IL17B: variants seen among roughly 807,000 people sequenced by gnomAD.
The protein encoded by IL17B is interleukin 17B.
Under a neutral mutation model 14.7 loss-of-function variants are expected in IL17B, and 14 were observed. The ratio of observed to expected loss-of-function variants is 0.95; its 90% CI spans 0.63 to 1.49. IL17B has a LOEUF of 1.49. Ranked by LOEUF, IL17B falls within the 40% of genes most tolerant of loss-of-function variation. The pLI is 0.00. For missense variants in IL17B, 233 were observed against 252.8 expected (o/e 0.92, Z 0.53); for synonymous variants, 105 against 94.8 (o/e 1.11, Z -0.62).
Position 149,374,770 on chromosome 5 carries a change from G to T in IL17B, c.312-170C>A. 1.7e-6 allele frequency: 1 copy of T among 579,504 alleles called. No homozygotes were observed. Among genetic ancestry groups the T allele is most frequent in the Non-Finnish European group, 3.0e-6 (1 of 329,534 alleles). The allele number at this position is 579,504 out of a possible 1,614,324, so 35.9% of individuals were successfully genotyped here. ...ACTCCATGTTCCACGTGAGGAAACT[G>T]AAGATCATGGAAGGCAAGTCGAGAG... On this transcript the variant is annotated intron_variant, in intron 2 of 2. Transcript: ENST00000261796. The surrounding 1 kb of genome is among the most constrained non-coding windows in gnomAD (Gnocchi z 5.0).
intron 1 of IL17B, among the ~76,000 whole-genome samples, chr5:149,401,173 A>G (rs1268558107): frequency 2.0e-5 from 3 of 152,200 alleles, no homozygotes; most frequent in Admixed American, 6.5e-5. Flanking sequence ...GTCATTCCCA[A>G]GGGTCCTTTC....
chr5:149,379,742 G>A (rs368569452), upstream of IL17B, among the ~76,000 whole-genome samples: 8 of 152,270 alleles, frequency 5.3e-5, 1 homozygote, highest in African/African-American at 9.6e-5. Context: ...AGCCTCTGCC[G>A]GCCTCAGGTG....
At position 149,376,797 on chromosome 5, in the gene IL17B, A is replaced by T; in HGVS notation, c.250T>A (p.Cys84Ser). The T allele has an allele frequency of 6.2e-7, 1 of 1,613,838 alleles. No homozygotes were observed. Among genetic ancestry groups the T allele is most frequent in the Non-Finnish European group, 8.5e-7 (1 of 1,179,934 alleles). The change falls in exon 2 of 3, where the codon TGT becomes AGT. Residue 84 changes from cysteine to serine, a missense_variant. Cys to Ser is a moderately radical substitution (Grantham distance 112). Transcript: ENST00000261796. The stretch of plus-strand genomic sequence containing the variant: ...ATCCACAGCTGCAAGTTGACCTCAC[A>T]CTTTCTCTGGGCCAGCTCTGAGCTG... ...RNSSELAQRK[C>S]EVNLQLWMSN...
chr5:149,393,221 T>C (rs1185113161), intron 1 of IL17B, among the ~76,000 whole-genome samples: 1 of 152,230 alleles, frequency 6.6e-6, no homozygotes, highest in South Asian at 2.1e-4. Flanking sequence ...CTTTGACTTA[T>C]GCTGTTCCCT....
At chr5:149,377,682 G>T (rs946638175) in intron 1 of IL17B, among the ~76,000 whole-genome samples, 5 of 152,194 alleles carry the variant, frequency 3.3e-5, no homozygotes, top group Non-Finnish European at 5.9e-5. Context: ...GGCTGGAGAA[G>T]AGTGGGGCCT....
chr5:149,381,016 CG>C (rs1386546598), upstream of IL17B, among the ~76,000 whole-genome samples: 5 of 152,054 alleles, frequency 3.3e-5, no homozygotes, highest in African/African-American at 9.7e-5. Flanking sequence ...CCCCACTGGC[CG>C]GGCGGCCTGG....
At chr5:149,392,353 G>A (rs1758986982) in intron 1 of IL17B, among the ~76,000 whole-genome samples, 1 of 152,222 alleles carries the variant, frequency 6.6e-6, no homozygotes, top group African/African-American at 2.4e-5. Flanking sequence ...TGGGTTGCAT[G>A]ACTTATGGCA....
At chr5:149,395,363 A>G (rs1037136483) in intron 1 of IL17B, among the ~76,000 whole-genome samples, 1 of 152,150 alleles carries the variant, frequency 6.6e-6, no homozygotes, top group African/African-American at 2.4e-5. Flanking sequence ...TGGTAGAACT[A>G]TTTATATTCC....
intron 1 of IL17B, among the ~76,000 whole-genome samples, chr5:149,393,052 C>T (rs191286977): frequency 5.3e-4 from 81 of 151,990 alleles, no homozygotes; most frequent in Non-Finnish European, 1.0e-3. Context: ...TGTGTGTGCG[C>T]ATGTGTGTCT....
At chr5:149,376,612 C>G in intron 2 of IL17B, 124 bp downstream of exon 2, 7 of 1,262,482 alleles carry the variant, frequency 5.5e-6, no homozygotes, top group Non-Finnish European at 7.6e-6. Context: ...AAGTAAGAGG[C>G]AGAGCTAGGG....
chr5:149,384,204 G>T (rs1251946406), upstream of IL17B, among the ~76,000 whole-genome samples: 1 of 152,248 alleles, frequency 6.6e-6, no homozygotes, highest in East Asian at 1.9e-4. Context: ...CCCTCCTCCT[G>T]TGGGGAAAGC....
intron 1 of IL17B, among the ~76,000 whole-genome samples, chr5:149,398,953 A>C (rs1235555782): frequency 1.3e-5 from 2 of 152,216 alleles, no homozygotes; most frequent in Non-Finnish European, 2.9e-5. Context: ...AGGCCTCACA[A>C]TCATGGCAGA....
intron 1 of IL17B, among the ~76,000 whole-genome samples, chr5:149,402,896 G>T (rs926113946): frequency 6.7e-6 from 1 of 150,298 alleles, no homozygotes; most frequent in Non-Finnish European, 1.5e-5. Context: ...CCAGCTACTT[G>T]GGAGGCTGAG....
At chr5:149,379,377 A>G, upstream of IL17B, 5 of 852,756 alleles carry the variant, frequency 5.9e-6, no homozygotes, top group Non-Finnish European at 9.2e-6. Context: ...ATCAGCTGGG[A>G]GCCTTGGGCC....
intron 1 of IL17B, among the ~76,000 whole-genome samples, chr5:149,385,537 T>C: frequency 6.6e-6 from 1 of 152,244 alleles, no homozygotes; most frequent in East Asian, 1.9e-4. Context: ...TCAGGCCTGC[T>C]GTAACTCACC....
At chr5:149,393,064 CGTGT>C (rs933504997) in intron 1 of IL17B, among the ~76,000 whole-genome samples, 1 of 151,954 alleles carries the variant, frequency 6.6e-6, no homozygotes, top group Admixed American at 6.6e-5. Context: ...TGTGTGTCTG[CGTGT>C]GTGAGATTGT....
intron 2 of IL17B, among the ~76,000 whole-genome samples, chr5:149,375,551 T>C (rs918753325): frequency 5.9e-5 from 9 of 152,232 alleles, no homozygotes; most frequent in Admixed American, 1.3e-4. Context: ...GGTCACATTC[T>C]GGAGCTGCAC....
At chr5:149,383,886 C>G (rs1277914028), upstream of IL17B, among the ~76,000 whole-genome samples, 2 of 152,210 alleles carry the variant, frequency 1.3e-5, no homozygotes, top group Non-Finnish European at 2.9e-5. Context: ...TCACTGGAGA[C>G]TGGGTCGCCT....
At chr5:149,376,681 GC>G (rs971248929) in intron 2 of IL17B, 54 bp downstream of exon 2, 5 of 1,542,022 alleles carry the variant, frequency 3.2e-6, no homozygotes, top group Non-Finnish European at 4.4e-6. Context: ...AATGACTGGG[GC>G]ACAGGAAAGG....
Sources: allele counts gnomAD v4.1 joint callset (sites outside exome capture counted in the v4.1 genomes callset), GRCh38; gene constraint gnomAD v4.1.1; non-coding constraint Gnocchi (gnomAD v3.1); transcripts MANE v1.5; gene names NCBI Gene and HGNC (gene_info 2026-07-23, HGNC 2026-07-21).